FUT8: variants seen among roughly 807,000 people sequenced by gnomAD.
FUT8 encodes the protein fucosyltransferase 8, also known as alpha-(1,6)-fucosyltransferase.
FUT8 carries 29 observed loss-of-function variants against 71.3 expected under a neutral mutation model. That is an observed-to-expected ratio of 0.41 (90% CI 0.30 to 0.55). FUT8 has a LOEUF of 0.55. Ranked by LOEUF, FUT8 falls within the 20% of genes least tolerant of loss-of-function variation. FUT8 has a pLI of 0.34. For missense variants in FUT8, 544 were observed against 702.1 expected (o/e 0.77, Z 2.55); for synonymous variants, 254 against 239.3 (o/e 1.06, Z -0.57).
At position 65,717,146 on chromosome 14, in the gene FUT8, T is replaced by G. The variant is rs59476747; in HGVS notation, c.836-4629T>G. Among the ~76,000 whole-genome samples the G allele has an allele frequency of 6.2e-3, 303 of 48,958 alleles. 7 individuals carry two copies. Among genetic ancestry groups the G allele is most frequent in the African/African-American group, 0.024 (290 of 12,272 alleles). The allele number at this position is 48,958 out of a possible 152,430, so 32.1% of individuals were successfully genotyped here. A position where few individuals can be genotyped will look rare whatever the true frequency, so the allele number is the denominator to read the frequency against. On this transcript the variant is annotated intron_variant, in intron 7 of 10. Coordinates refer to ENST00000673929, the MANE Select transcript of FUT8 (RefSeq NM_001371533.1). The stretch of plus-strand genomic sequence containing the variant: ...GCAGAGGCGCTCCTCATTTCCCAGA[T>G]GGGGCGGCCGGGCAGAGGCGCTTCT...
chr14:65,357,264 G>T, the FUT8 span, among the ~76,000 whole-genome samples: 1 of 152,224 alleles, frequency 6.6e-6, no homozygotes, highest in Non-Finnish European at 1.5e-5. Flanking sequence ...TGTAGTTACT[G>T]TTGTTGCTGT....
chr14:65,526,220 G>T (rs1169824587), intron 2 of FUT8, among the ~76,000 whole-genome samples: 1 of 152,198 alleles, frequency 6.6e-6, no homozygotes, highest in Admixed American at 6.5e-5. Flanking sequence ...GGTCTCTAAG[G>T]ACTTGCTTTA....
chr14:65,518,781 A>G (rs1156760042), intron 2 of FUT8, among the ~76,000 whole-genome samples: 5 of 152,138 alleles, frequency 3.3e-5, no homozygotes, highest in Non-Finnish European at 5.9e-5. Context: ...TGGCCTCCCA[A>G]AGTTCTGGGA....
At chr14:65,618,819 G>A (rs1170149523) in intron 5 of FUT8, among the ~76,000 whole-genome samples, 4 of 152,152 alleles carry the variant, frequency 2.6e-5, no homozygotes, top group Non-Finnish European at 5.9e-5. Context: ...CATGGTCAGT[G>A]AGGCTGCCAC....
chr14:65,736,025 A>G (rs1896198190), intron 10 of FUT8, among the ~76,000 whole-genome samples: 1 of 152,156 alleles, frequency 6.6e-6, no homozygotes, highest in African/African-American at 2.4e-5. Context: ...ATCACAGAAC[A>G]AGAAAGAGGC....
chr14:65,412,468 C>A, upstream of FUT8: 1 of 401,664 alleles, frequency 2.5e-6, no homozygotes. Flanking sequence ...CAGCCTCCGG[C>A]CTTCAGGCGG....
At chr14:65,399,866 G>A in the FUT8 span, among the ~76,000 whole-genome samples, 1 of 152,286 alleles carries the variant, frequency 6.6e-6, no homozygotes, top group African/African-American at 2.4e-5. Flanking sequence ...CTAATAACAT[G>A]TAAAGACAAA....
chr14:65,364,203 A>ATTT, the FUT8 span, among the ~76,000 whole-genome samples: 1 of 150,932 alleles, frequency 6.6e-6, no homozygotes, highest in Non-Finnish European at 1.5e-5. Flanking sequence ...ATCCAAAACC[A>ATTT]TTTTTTTTTG....
At chr14:65,475,239 A>G (rs1270157749) in intron 2 of FUT8, among the ~76,000 whole-genome samples, 2 of 152,186 alleles carry the variant, frequency 1.3e-5, no homozygotes, top group African/African-American at 2.4e-5. Flanking sequence ...ATAAGTTAAT[A>G]ATTACAGTAC....
At chr14:65,401,919 G>A in the FUT8 span, among the ~76,000 whole-genome samples, 2 of 145,822 alleles carry the variant, frequency 1.4e-5, no homozygotes, top group African/African-American at 5.1e-5. Flanking sequence ...AAAAAAAAAG[G>A]GATTGAGTTG....
chr14:65,531,034 G>T (rs1050793257), intron 2 of FUT8, among the ~76,000 whole-genome samples: 2 of 149,200 alleles, frequency 1.3e-5, no homozygotes, highest in Admixed American at 6.7e-5. Context: ...AGTAAAATAT[G>T]GTGTTTAAGT....
At chr14:65,705,070 T>A (rs1894493257) in intron 7 of FUT8, among the ~76,000 whole-genome samples, 1 of 152,236 alleles carries the variant, frequency 6.6e-6, no homozygotes, top group Non-Finnish European at 1.5e-5. Flanking sequence ...ATGTTTCATA[T>A]GATTCAATTT....
At chr14:65,360,216 T>A in the FUT8 span, among the ~76,000 whole-genome samples, 1 of 152,242 alleles carries the variant, frequency 6.6e-6, no homozygotes, top group Admixed American at 6.5e-5. Context: ...ATGTTTCAAA[T>A]CTGCATGATT....
Position 65,710,321 on chromosome 14 carries a change from C to T in FUT8, c.836-11454C>T, listed in dbSNP as rs562835334. On this transcript the variant is annotated intron_variant, in intron 7 of 10. Coordinates refer to ENST00000673929, the MANE Select transcript of FUT8 (RefSeq NM_001371533.1). Reference sequence around the variant, plus strand: ...TGACTAAAATTTAGAAAATACTGAACAAGATTATTTGTGAGATTTCTTTTA... The same window carrying T: ...TGACTAAAATTTAGAAAATACTGAATAAGATTATTTGTGAGATTTCTTTTA... Among the ~76,000 whole-genome samples, 26 of 152,090 alleles carry T rather than the reference C, an allele frequency of 1.7e-4. 1 individual carries two copies. In the East Asian group the frequency reaches 5.0e-3, roughly 29 times the overall value.
chr14:65,675,459 ACT>A (rs1892667324), intron 7 of FUT8, among the ~76,000 whole-genome samples: 1 of 152,108 alleles, frequency 6.6e-6, no homozygotes, highest in South Asian at 2.1e-4. Flanking sequence ...ATTTGATCAA[ACT>A]CCAGCCCATT....
rs919895033 is a variant in FUT8, at chr14:65,669,765, C to T, written c.835+285C>T. Among the ~76,000 whole-genome samples the T allele has an allele frequency of 6.6e-6, 1 of 151,986 alleles. No homozygotes were observed. The highest frequency in any genetic ancestry group is 1.5e-5 in the Non-Finnish European group (1 of 68,000). ...TAATAATAATGATATGACTTTCACT[C>T]TATAAGATGATTTCACATTATTGAA... is the stretch of plus-strand genomic sequence containing the variant. On this transcript the variant is annotated intron_variant, in intron 7 of 10. Coordinates refer to ENST00000673929, the MANE Select transcript of FUT8 (RefSeq NM_001371533.1). This position sits in a 1 kb window ranked among gnomAD's most constrained non-coding sequence, Gnocchi z 4.5.
At chr14:65,438,952 C>T (rs1320983857) in intron 1 of FUT8, among the ~76,000 whole-genome samples, 1 of 152,186 alleles carries the variant, frequency 6.6e-6, no homozygotes, top group Non-Finnish European at 1.5e-5. Flanking sequence ...CACAGTTACA[C>T]ATATTTTATT....
At chr14:65,711,874 C>G (rs925621764) in intron 7 of FUT8, among the ~76,000 whole-genome samples, 4 of 152,162 alleles carry the variant, frequency 2.6e-5, no homozygotes, top group Admixed American at 1.3e-4. Flanking sequence ...TTTCTAATAA[C>G]CATGTAGTTG....
chr14:65,682,349 T>C (rs1893077173), intron 7 of FUT8, among the ~76,000 whole-genome samples: 1 of 152,008 alleles, frequency 6.6e-6, no homozygotes, highest in Non-Finnish European at 1.5e-5. Context: ...AAAATAAAAT[T>C]TTTTTTAAAT....
Sources: gnomAD v4.1 joint callset for allele counts (sites outside exome capture counted in the v4.1 genomes callset) on GRCh38, gnomAD v4.1.1 for gene constraint, Gnocchi (gnomAD v3.1) non-coding constraint, MANE v1.5 for transcripts, NCBI Gene and HGNC (gene_info 2026-07-23, HGNC 2026-07-21) for gene names.